EGFR: variants seen among roughly 807,000 people sequenced by gnomAD.
EGFR encodes avian erythroblastic leukemia viral (v-erb-b) oncogene homolog.
Under a neutral mutation model 143.0 loss-of-function variants are expected in EGFR, and 58 were observed. The observed-to-expected ratio is 0.41, with a 90% CI of 0.33 to 0.50. EGFR has a LOEUF of 0.50. Among genes scored for constraint, EGFR ranks in the 20% least tolerant of loss-of-function variants. The probability of loss-of-function intolerance (pLI) is 0.39; values close to 1 mark genes in which losing one functional copy is unlikely to be tolerated. For missense variants in EGFR, 1,307 were observed against 1,579.0 expected (o/e 0.83, Z 2.92); for synonymous variants, 613 against 594.4 (o/e 1.03, Z -0.45).
rs564436384 is a variant in EGFR, at chr7:55,132,126, G to A, written c.89-10160G>A. Among the ~76,000 whole-genome samples, 9 of 151,814 alleles carry A rather than the reference G, an allele frequency of 5.9e-5. No homozygotes were observed. In the East Asian group the frequency reaches 7.7e-4, roughly 13 times the overall value. ...ATGTTTATAGAGATGGCTTTAAATC[G>A]CAATTCTGCAGTAGAGATTGATTTT... is the stretch of plus-strand genomic sequence containing the variant. On this transcript the variant is annotated intron_variant, in intron 1 of 27. Transcript: ENST00000275493.
At chr7:55,201,610 C>T (rs936020817) in intron 25 of EGFR, 125 bp from the exon 26 acceptor site, 80 of 1,322,674 alleles carry the variant, frequency 6.0e-5, no homozygotes, top group Non-Finnish European at 7.5e-5. Context: ...CTAAAACTAA[C>T]GATTAAGACA....
At chr7:55,120,283 C>A (rs905557062) in intron 1 of EGFR, among the ~76,000 whole-genome samples, 4 of 152,212 alleles carry the variant, frequency 2.6e-5, no homozygotes, top group African/African-American at 9.7e-5. Flanking sequence ...TCTGCCTACA[C>A]GTGGAGGGCC....
intron 1 of EGFR, among the ~76,000 whole-genome samples, chr7:55,086,908 T>C (rs1292592247): frequency 6.6e-5 from 10 of 152,224 alleles, no homozygotes; most frequent in Admixed American, 5.9e-4. Context: ...GCATCTCTCA[T>C]TGCAAGCTTG....
intron 1 of EGFR, among the ~76,000 whole-genome samples, chr7:55,080,923 A>G (rs1790431898): frequency 1.3e-5 from 2 of 152,154 alleles, no homozygotes; most frequent in Non-Finnish European, 2.9e-5. Context: ...CCCAGGGGTG[A>G]TCTAGTGACA....
intron 7 of EGFR, 97 bp from the exon 8 acceptor site, chr7:55,155,733 C>T (rs1275785423): frequency 2.2e-6 from 2 of 891,746 alleles, no homozygotes; most frequent in Non-Finnish European, 3.8e-6. Context: ...GAGGATGGAG[C>T]CTTTCCATCA....
chr7:55,042,927 C>G (rs1457702508), intron 1 of EGFR, among the ~76,000 whole-genome samples: 2 of 152,112 alleles, frequency 1.3e-5, no homozygotes, highest in Admixed American at 1.3e-4. Flanking sequence ...ACGATAGACT[C>G]TCACGTCTAG....
intron 1 of EGFR, among the ~76,000 whole-genome samples, chr7:55,032,617 G>A (rs967940249): frequency 2.6e-4 from 39 of 152,126 alleles, no homozygotes; most frequent in African/African-American, 8.9e-4. Context: ...TTAAGTTGAT[G>A]ATTCCATCTT....
chr7:55,154,617 C>G (rs1785321145), intron 7 of EGFR, among the ~76,000 whole-genome samples: 1 of 152,226 alleles, frequency 6.6e-6, no homozygotes, highest in Non-Finnish European at 1.5e-5. Context: ...AGTTATGCCT[C>G]TTAGGAGTAT....
At chr7:55,168,111 C>A (rs12669749) in intron 15 of EGFR, among the ~76,000 whole-genome samples, 21,767 of 152,134 alleles carry the variant, frequency 0.14, 1,867 homozygotes, top group East Asian at 0.33. Context: ...TTTGGGTATA[C>A]CAACATGCCA....
chr7:55,138,163 C>T (rs868058395), intron 1 of EGFR, among the ~76,000 whole-genome samples: 8 of 152,214 alleles, frequency 5.3e-5, no homozygotes, highest in Middle Eastern at 3.4e-3. Flanking sequence ...AGGATGTTTG[C>T]GGTACAATTC....
chr7:55,131,149 T>C (rs1355389772), intron 1 of EGFR, among the ~76,000 whole-genome samples: 1 of 152,160 alleles, frequency 6.6e-6, no homozygotes, highest in African/African-American at 2.4e-5. Flanking sequence ...GATTAAGATG[T>C]TGCCTTCATA....
chr7:55,021,686 T>C (rs1786575741), intron 1 of EGFR, among the ~76,000 whole-genome samples: 2 of 152,200 alleles, frequency 1.3e-5, no homozygotes, highest in Admixed American at 1.3e-4. Flanking sequence ...TTATTCAAGA[T>C]GCACTTTGTT....
In EGFR at chr7:55,163,815, A is replaced by G; in HGVS notation, c.1714A>G (p.Thr572Ala). The G allele has an allele frequency of 1.2e-6, 2 of 1,614,224 alleles. No homozygotes were observed. Among genetic ancestry groups the G allele is most frequent in the Non-Finnish European group, 1.7e-6 (2 of 1,180,032 alleles). ...CLPQAMNITC[T>A]GRGPDNCIQC... is the part of the protein sequence containing the mutation. ...GCCTCAGGCCATGAACATCACCTGC[A>G]CAGGACGGGTAAGAGCCCCTTGCTG... The change falls in exon 14 of 28, where the codon ACA (threonine) becomes GCA (alanine). Residue 572 changes from threonine (T) to alanine (A), a missense_variant. This residue lies in a region of EGFR where 250 missense variants were observed against 295.1 expected (regional missense o/e 0.85). Coordinates refer to ENST00000275493, the MANE Select transcript of EGFR (RefSeq NM_005228.5).
intron 20 of EGFR, among the ~76,000 whole-genome samples, chr7:55,183,735 A>G (rs531821755): frequency 5.3e-5 from 8 of 152,170 alleles, no homozygotes; most frequent in Admixed American, 3.9e-4. Flanking sequence ...ATTGCCCCAG[A>G]ATATCTGGTT....
intron 1 of EGFR, among the ~76,000 whole-genome samples, chr7:55,023,070 G>A (rs1471106831): frequency 6.6e-6 from 1 of 152,206 alleles, no homozygotes; most frequent in South Asian, 2.1e-4. Context: ...GGGCACTGAA[G>A]GGAAGGTAAC....
At chr7:55,202,716 C>T in intron 27 of EGFR, 91 bp downstream of exon 27, 1 of 1,115,624 alleles carries the variant, frequency 9.0e-7, no homozygotes, top group Non-Finnish European at 1.3e-6. Flanking sequence ...CAGGTGCTCC[C>T]TCCAGCATCT....
intron 1 of EGFR, among the ~76,000 whole-genome samples, chr7:55,021,329 G>A (rs1456468183): frequency 6.6e-6 from 1 of 152,214 alleles, no homozygotes; most frequent in Non-Finnish European, 1.5e-5. Context: ...CTCTGCCGAA[G>A]AGACTCTTCT....
intron 1 of EGFR, among the ~76,000 whole-genome samples, chr7:55,140,809 T>A (rs1794416270): frequency 6.6e-6 from 1 of 152,146 alleles, no homozygotes; most frequent in South Asian, 2.1e-4. Context: ...TGAAATTGAA[T>A]GAGAACACAG....
At chr7:55,050,988 GC>G (rs1788456454) in intron 1 of EGFR, among the ~76,000 whole-genome samples, 1 of 152,150 alleles carries the variant, frequency 6.6e-6, no homozygotes, top group South Asian at 2.1e-4. Flanking sequence ...GTGTGAGTGT[GC>G]CCCCTCTAGG....
Sources: allele counts gnomAD v4.1 joint callset (sites outside exome capture counted in the v4.1 genomes callset), GRCh38; gene constraint gnomAD v4.1.1; regional missense constraint gnomAD v4.1.1; transcripts MANE v1.5; gene names NCBI Gene and HGNC (gene_info 2026-07-23, HGNC 2026-07-21).